Variants in WWOX observed in about 807,000 individuals in gnomAD.
The protein encoded by WWOX is WW domain containing oxidoreductase, also known as WW domain-containing oxidoreductase.
Under a neutral mutation model 46.2 loss-of-function variants are expected in WWOX, and 69 were observed. The ratio of observed to expected loss-of-function variants is 1.49; its 90% CI spans 1.23 to 1.82. WWOX has a LOEUF of 1.82. WWOX is among the 40% of genes most tolerant of loss of function. The probability of loss-of-function intolerance (pLI) is 0.00; values close to 1 mark genes in which losing one functional copy is unlikely to be tolerated. For missense variants in WWOX, 919 were observed against 542.6 expected, an observed-to-expected ratio of 1.69 and a Z score of -6.89; for synonymous variants, 359 against 202.6, an observed-to-expected ratio of 1.77 and a Z score of -6.56.
chr16:78,831,287 C>G (rs2051815652), intron 8 of WWOX, among the ~76,000 whole-genome samples: 1 of 152,180 alleles, frequency 6.6e-6, no homozygotes, highest in African/African-American at 2.4e-5. Context: ...CAAAGAATAT[C>G]TTTAGGCTCC....
At chr16:78,685,376 G>T (rs1168124605) in intron 8 of WWOX, among the ~76,000 whole-genome samples, 1 of 152,124 alleles carries the variant, frequency 6.6e-6, no homozygotes, top group Non-Finnish European at 1.5e-5. Context: ...TTCAGAGTCT[G>T]ACACAATAAG....
intron 8 of WWOX, among the ~76,000 whole-genome samples, chr16:79,075,086 G>C (rs1223081483): frequency 1.3e-5 from 2 of 152,096 alleles, no homozygotes; most frequent in African/African-American, 4.8e-5. Context: ...ACTTTGTTTG[G>C]AATTCACTAC....
intron 8 of WWOX, among the ~76,000 whole-genome samples, chr16:78,816,825 C>G (rs1319686377): frequency 2.6e-5 from 4 of 151,968 alleles, no homozygotes; most frequent in Non-Finnish European, 5.9e-5. Context: ...TATGCAATGC[C>G]AAGTACTCAT....
intron 5 of WWOX, among the ~76,000 whole-genome samples, chr16:78,308,391 T>G (rs2080173512): frequency 6.6e-6 from 1 of 152,108 alleles, no homozygotes; most frequent in Admixed American, 6.6e-5. Flanking sequence ...TATACCCTTC[T>G]TTTTTTGGAA....
At chr16:78,922,518 A>G (rs951201504) in intron 8 of WWOX, among the ~76,000 whole-genome samples, 1 of 151,956 alleles carries the variant, frequency 6.6e-6, no homozygotes, top group Non-Finnish European at 1.5e-5. Context: ...CACTGGGATT[A>G]CAGGCATGCA....
At chr16:78,594,361 C>G (rs577542205) in intron 8 of WWOX, among the ~76,000 whole-genome samples, 12 of 146,108 alleles carry the variant, frequency 8.2e-5, no homozygotes, top group Admixed American at 7.0e-4. Flanking sequence ...CATATTCTTG[C>G]ATTTGCTGCA....
intron 8 of WWOX, among the ~76,000 whole-genome samples, chr16:78,888,875 T>G (rs1385626230): frequency 6.6e-6 from 1 of 152,138 alleles, no homozygotes; most frequent in Admixed American, 6.6e-5. Context: ...TATTTCTGTT[T>G]ACTCGATCTA....
chr16:79,153,821 A>G (rs2050328706), intron 8 of WWOX, among the ~76,000 whole-genome samples: 1 of 152,074 alleles, frequency 6.6e-6, no homozygotes, highest in African/African-American at 2.4e-5. Context: ...TTTTAGGGAC[A>G]TCTCTTCAAA....
intron 8 of WWOX, among the ~76,000 whole-genome samples, chr16:78,599,971 T>C (rs1407437903): frequency 2.0e-5 from 3 of 152,056 alleles, no homozygotes; most frequent in African/African-American, 7.2e-5. Context: ...GCTGCATAAT[T>C]TATGCAGGAA....
intron 8 of WWOX, among the ~76,000 whole-genome samples, chr16:79,090,994 G>C (rs1291833632): frequency 1.3e-5 from 2 of 151,972 alleles, no homozygotes; most frequent in Admixed American, 1.3e-4. Context: ...TACCATGTTG[G>C]CCAGCCTGGT....
chr16:78,844,331 G>C (rs946194216), intron 8 of WWOX, among the ~76,000 whole-genome samples: 1 of 152,144 alleles, frequency 6.6e-6, no homozygotes, highest in Non-Finnish European at 1.5e-5. Flanking sequence ...TTGAAACATG[G>C]AGAAATAAAT....
intron 8 of WWOX, among the ~76,000 whole-genome samples, chr16:78,538,197 T>A (rs897015930): frequency 7.9e-5 from 11 of 139,298 alleles, no homozygotes; most frequent in Non-Finnish European, 1.5e-4. Context: ...TTGTAATCTT[T>A]AATTAAGCTA....
chr16:78,439,987 C>G (rs1465329847), intron 8 of WWOX, among the ~76,000 whole-genome samples: 1 of 152,152 alleles, frequency 6.6e-6, no homozygotes, highest in Admixed American at 6.5e-5. Context: ...GAGTTGACTT[C>G]CCGTCAGATC....
At chr16:78,954,297 A>G (rs2046121679) in intron 8 of WWOX, among the ~76,000 whole-genome samples, 2 of 151,898 alleles carry the variant, frequency 1.3e-5, no homozygotes, top group Admixed American at 6.6e-5. Context: ...GAATGGATGC[A>G]TGGCTGAGTG....
At chr16:78,706,655 T>C (rs540389831) in intron 8 of WWOX, among the ~76,000 whole-genome samples, 3 of 152,206 alleles carry the variant, frequency 2.0e-5, no homozygotes, top group South Asian at 2.1e-4. Context: ...TGAAAACTTA[T>C]CCAGGAGAGG....
intron 8 of WWOX, among the ~76,000 whole-genome samples, chr16:78,591,878 A>G (rs2151603468): frequency 6.6e-6 from 1 of 152,326 alleles, no homozygotes; most frequent in East Asian, 1.9e-4. Context: ...AGCTACCACC[A>G]CTGCCTCTAG....
chr16:78,759,336 G>A lies in WWOX; in HGVS notation c.1056+326584G>A, dbSNP rs527265101. Among the ~76,000 whole-genome samples, 596 of 152,288 alleles carry A rather than the reference G, an allele frequency of 3.9e-3. 1 individual carries two copies. Among genetic ancestry groups the A allele is most frequent in the Middle Eastern group, 6.8e-3 (2 of 294 alleles). ...GTAAGTGTGCACTGTCTGCCATAAA[G>A]AGCCAGGCAAGGCACAGAAAATATT... is the stretch of plus-strand genomic sequence containing the variant. On this transcript the variant is annotated intron_variant, in intron 8 of 8. Coordinates refer to ENST00000566780, the MANE Select transcript of WWOX (RefSeq NM_016373.4).
intron 8 of WWOX, among the ~76,000 whole-genome samples, chr16:78,650,895 T>C (rs756687975): frequency 6.6e-6 from 1 of 152,210 alleles, no homozygotes; most frequent in Admixed American, 6.5e-5. Context: ...ACATCTTCCA[T>C]TGGAAATGGA....
chr16:78,510,082 TCTG>T (rs1597188418), intron 8 of WWOX, among the ~76,000 whole-genome samples: 2 of 151,530 alleles, frequency 1.3e-5, no homozygotes, highest in Non-Finnish European at 3.0e-5. Context: ...TGTCTGTCTG[TCTG>T]TCTGTCTGTC....
Sources: gnomAD v4.1 joint callset for allele counts (sites outside exome capture counted in the v4.1 genomes callset) on GRCh38, gnomAD v4.1.1 for gene constraint, MANE v1.5 for transcripts, NCBI Gene and HGNC (gene_info 2026-07-23, HGNC 2026-07-21) for gene names.